Variants in CRYL1 observed in about 807,000 individuals in gnomAD.
CRYL1 encodes crystallin lambda 1.
Under a neutral mutation model 36.6 loss-of-function variants are expected in CRYL1, and 29 were observed. The ratio of observed to expected loss-of-function variants is 0.79; its 90% CI spans 0.59 to 1.08. The LOEUF is 1.08. Ranked by LOEUF, CRYL1 falls within the 50% of genes least tolerant of loss-of-function variation. The probability of loss-of-function intolerance (pLI) is 0.00; values close to 1 mark genes in which losing one functional copy is unlikely to be tolerated. For missense variants in CRYL1, 411 were observed against 407.9 expected, an observed-to-expected ratio of 1.01 and a Z score of -0.06; for synonymous variants, 152 against 151.5, an observed-to-expected ratio of 1.00 and a Z score of -0.02.
chr13:20,482,209 T>C (rs375896212), intron 3 of CRYL1, among the ~76,000 whole-genome samples: 95 of 152,352 alleles, frequency 6.2e-4, no homozygotes, highest in African/African-American at 2.1e-3. Context: ...TTTAAAGATA[T>C]AGTTGAGATG....
In CRYL1 at chr13:20,520,083, G is replaced by T. The variant is rs561164360; in HGVS notation, c.41+5671C>A. 2.6e-5 allele frequency among the ~76,000 whole-genome samples: 4 copies of T among 152,260 alleles called. No homozygotes were observed. In the South Asian group the frequency reaches 8.3e-4, roughly 32 times the overall value. On this transcript the variant is annotated intron_variant, in intron 1 of 7. Coordinates refer to ENST00000298248, the MANE Select transcript of CRYL1 (RefSeq NM_015974.3). Reference sequence around the variant, plus strand: ...CCATATTAGCCATGTGTTAATAATTGTTGAAGTTGAGGGGGTGGGGGAAGG... The same window carrying T: ...CCATATTAGCCATGTGTTAATAATTTTTGAAGTTGAGGGGGTGGGGGAAGG...
intron 3 of CRYL1, among the ~76,000 whole-genome samples, chr13:20,468,883 A>C (rs2032996705): frequency 6.6e-6 from 1 of 152,170 alleles, no homozygotes; most frequent in South Asian, 2.1e-4. Flanking sequence ...CTGGGATTAC[A>C]GGCGTGATCC....
chr13:20,440,841 AT>A (rs1420976187), intron 3 of CRYL1, among the ~76,000 whole-genome samples: 1 of 152,200 alleles, frequency 6.6e-6, no homozygotes, highest in Non-Finnish European at 1.5e-5. Flanking sequence ...GCAAATTTGG[AT>A]TAAATGCTGC....
intron 3 of CRYL1, among the ~76,000 whole-genome samples, chr13:20,483,447 A>G (rs1354425168): frequency 4.6e-5 from 7 of 152,032 alleles, no homozygotes; most frequent in Admixed American, 3.3e-4. Context: ...TGGACTGACC[A>G]TATCATCAAC....
At chr13:20,447,433 G>C (rs778911809) in intron 3 of CRYL1, among the ~76,000 whole-genome samples, 1 of 152,126 alleles carries the variant, frequency 6.6e-6, no homozygotes, top group Non-Finnish European at 1.5e-5. Context: ...CCTACCCCAG[G>C]GAGAGCCAGG....
intron 3 of CRYL1, among the ~76,000 whole-genome samples, chr13:20,462,259 GGA>G (rs2032846636): frequency 6.6e-6 from 1 of 151,738 alleles, no homozygotes; most frequent in Non-Finnish European, 1.5e-5. Flanking sequence ...TGGCCTGGTG[GGA>G]GGCCCTGGGG....
chr13:20,405,322 T>C (rs2031340960), intron 6 of CRYL1, among the ~76,000 whole-genome samples: 1 of 151,938 alleles, frequency 6.6e-6, no homozygotes, highest in Admixed American at 6.5e-5. Flanking sequence ...CCACCTCTGC[T>C]GGTGCATCTC....
intron 4 of CRYL1, among the ~76,000 whole-genome samples, chr13:20,436,859 G>A (rs1021777866): frequency 7.2e-5 from 11 of 152,058 alleles, no homozygotes; most frequent in Non-Finnish European, 1.5e-4. Flanking sequence ...GAAACAAAGG[G>A]CCCCAAGCAG....
chr13:20,493,781 A>C (rs969471616), intron 2 of CRYL1, among the ~76,000 whole-genome samples: 13 of 152,180 alleles, frequency 8.5e-5, no homozygotes, highest in African/African-American at 2.9e-4. Context: ...AGTCACCATG[A>C]CCACAGGCCA....
chr13:20,476,247 C>G (rs2033164992), intron 3 of CRYL1, among the ~76,000 whole-genome samples: 1 of 151,448 alleles, frequency 6.6e-6, no homozygotes, highest in South Asian at 2.1e-4. Flanking sequence ...TCCCAGCTAC[C>G]AGGAGGCTGA....
At chr13:20,485,113 G>A (rs1020109294) in intron 3 of CRYL1, among the ~76,000 whole-genome samples, 4 of 152,078 alleles carry the variant, frequency 2.6e-5, no homozygotes, top group African/African-American at 9.7e-5. Context: ...TACCTCCTGG[G>A]TTCAAGTGAT....
At chr13:20,504,901 T>TC (rs1302504838) in intron 2 of CRYL1, among the ~76,000 whole-genome samples, 3 of 152,136 alleles carry the variant, frequency 2.0e-5, no homozygotes, top group African/African-American at 2.4e-5. Flanking sequence ...TAAATCAACT[T>TC]CCCCCCGTTT....
chr13:20,512,634 A>T, intron 1 of CRYL1, 84 bp from the exon 2 acceptor site: 1 of 911,888 alleles, frequency 1.1e-6, no homozygotes, highest in Non-Finnish European at 1.7e-6. Flanking sequence ...GTTTTTTTTA[A>T]ATTCACAGTA....
intron 2 of CRYL1, among the ~76,000 whole-genome samples, chr13:20,511,874 C>G (rs1227476438): frequency 2.0e-5 from 3 of 152,230 alleles, no homozygotes; most frequent in Non-Finnish European, 4.4e-5. Flanking sequence ...ATTCTTAGCA[C>G]TCAGCATTAA....
At chr13:20,436,845 G>A (rs2032228357) in intron 4 of CRYL1, among the ~76,000 whole-genome samples, 1 of 152,106 alleles carries the variant, frequency 6.6e-6, no homozygotes, top group Non-Finnish European at 1.5e-5. Flanking sequence ...AATCACTAAT[G>A]ATTGAAACAA....
chr13:20,446,312 A>C (rs1433418444), intron 3 of CRYL1, among the ~76,000 whole-genome samples: 1 of 152,100 alleles, frequency 6.6e-6, no homozygotes, highest in Non-Finnish European at 1.5e-5. Flanking sequence ...GGTTTTTGCC[A>C]TGTTGGCCAG....
In CRYL1 at chr13:20,415,163, G is replaced by A. The variant is rs1362098815; in HGVS notation, c.634-1776C>T. Among the ~76,000 whole-genome samples, 1 of 152,116 alleles carries A rather than the reference G, an allele frequency of 6.6e-6. No homozygotes were observed. The highest frequency in any genetic ancestry group is 1.5e-5 in the Non-Finnish European group (1 of 67,982). On this transcript the variant is annotated intron_variant, in intron 5 of 7. Transcript: ENST00000298248. This position sits in a 1 kb window ranked among gnomAD's most constrained non-coding sequence, Gnocchi z 4.1. ...CCAGTCCCTCCCAGGCTTGCGGGTAGAGCCTGTCTTTGCCCAGAAGGCCGT... is the reference window on the plus strand; with the variant it reads ...CCAGTCCCTCCCAGGCTTGCGGGTAAAGCCTGTCTTTGCCCAGAAGGCCGT...
intron 3 of CRYL1, among the ~76,000 whole-genome samples, chr13:20,456,638 A>ACACACACACACACACAC (rs5802075): frequency 2.0e-4 from 28 of 137,708 alleles, no homozygotes; most frequent in African/African-American, 7.8e-4. Context: ...ACACACACAC[A>ACACACACACACACACAC]AAGACCACGA....
chr13:20,405,005 C>T (rs961170600), intron 6 of CRYL1, among the ~76,000 whole-genome samples: 1 of 152,188 alleles, frequency 6.6e-6, no homozygotes, highest in Non-Finnish European at 1.5e-5. Context: ...CCCGGTAGCT[C>T]ATGCCTGTAA....
Sources: allele counts gnomAD v4.1 joint callset (sites outside exome capture counted in the v4.1 genomes callset), GRCh38; gene constraint gnomAD v4.1.1; non-coding constraint Gnocchi (gnomAD v3.1); transcripts MANE v1.5; gene names NCBI Gene and HGNC (gene_info 2026-07-23, HGNC 2026-07-21).